The following BEST4 variants were observed in gnomAD, a reference collection of about 807,000 sequenced individuals.
BEST4 encodes the protein bestrophin-4.
Under a neutral mutation model 47.1 loss-of-function variants are expected in BEST4, and 36 were observed. The ratio of observed to expected loss-of-function variants is 0.76; its 90% confidence interval spans 0.59 to 1.01. The LOEUF (loss-of-function observed/expected upper bound fraction) is 1.01, where lower values mean the gene tolerates loss of function less well. BEST4 is among the 50% of genes least tolerant of loss of function. The pLI is 0.00. For synonymous variants in BEST4, 250 were observed against 277.8 expected, an observed-to-expected ratio of 0.90 and a Z score of 1.00; for missense variants, 550 against 648.6, an observed-to-expected ratio of 0.85 and a Z score of 1.65.
upstream of BEST4, among the ~76,000 whole-genome samples, chr1:44,789,130 C>G (rs1257916220): frequency 5.3e-5 from 8 of 150,904 alleles, no homozygotes; most frequent in African/African-American, 1.9e-4. Flanking sequence ...GTGGCACGAA[C>G]TTGTAATCCC....
At position 44,787,889 on chromosome 1, in the gene BEST4, A is replaced by G. The variant is rs1651305725; in HGVS notation, c.-184T>C. On this transcript the variant is annotated 5_prime_UTR_variant, in exon 1 of 9. Coordinates refer to ENST00000372207, the MANE Select transcript of BEST4 (RefSeq NM_153274.3). ...CCCACCCCCTGCAGAACTGAGCAGT[A>G]CATGGGCAAAGCCAGGCTAGAGTTG... Among the ~76,000 whole-genome samples, 1 of 152,236 alleles carries G rather than the reference A, an allele frequency of 6.6e-6. No homozygotes were observed. Among genetic ancestry groups the G allele is most frequent in the African/African-American group, 2.4e-5 (1 of 41,458 alleles).
intron 4 of BEST4, 44 bp from the exon 5 acceptor site, chr1:44,785,720 G>A: frequency 6.7e-7 from 1 of 1,500,366 alleles, no homozygotes; most frequent in Non-Finnish European, 9.1e-7. Flanking sequence ...GGTGAGGAAG[G>A]AACAGGGGTG....
Position 44,784,859 on chromosome 1 carries a change from G to T in BEST4, c.993+46C>A. On this transcript the variant is annotated intron_variant, in intron 7 of 8. Transcript: ENST00000372207. This position sits in a 1 kb window ranked among gnomAD's most constrained non-coding sequence, Gnocchi z 6.2. ...CCGGGCTGAGAGCTGACCGGGAGAGGGGGCCCAGGAGCTGCCCTGGACTCC... is the reference window on the plus strand; with the variant it reads ...CCGGGCTGAGAGCTGACCGGGAGAGTGGGCCCAGGAGCTGCCCTGGACTCC... 2 of 1,612,108 alleles carry T rather than the reference G, an allele frequency of 1.2e-6. No individual in the cohort carries two copies. The highest frequency in any genetic ancestry group is 1.3e-5 in the African/African-American group (1 of 75,004).
At chr1:44,791,883 T>A (rs1057355336), upstream of BEST4, among the ~76,000 whole-genome samples, 3 of 152,110 alleles carry the variant, frequency 2.0e-5, no homozygotes, top group African/African-American at 7.2e-5. Flanking sequence ...CCCAAGTCCA[T>A]GCTTCACCAT....
upstream of BEST4, among the ~76,000 whole-genome samples, chr1:44,789,260 A>G (rs60366224): frequency 4.4e-5 from 4 of 91,124 alleles, no homozygotes; most frequent in African/African-American, 6.2e-5. Flanking sequence ...AAAAAAAAAG[A>G]AAAGAAAGAA....
In BEST4 at chr1:44,785,219, A is replaced by C; in HGVS notation, c.801T>G (p.Pro267=). ...FVEPEAGAAK[P]QKLLKPGQEP... ...CCTGGCCTGGCTTCAGAAGCTTCTG[A>C]GGTTTGGCAGCCCCTGCCTCTGGCT... is the stretch of plus-strand genomic sequence containing the variant. The change falls in exon 6 of 9, where the codon CCT becomes CCG. Residue 267 remains proline (P), a synonymous_variant. Coordinates refer to ENST00000372207, the MANE Select transcript of BEST4 (RefSeq NM_153274.3). The C allele has an allele frequency of 6.2e-7, 1 of 1,613,464 alleles. No homozygotes were observed. Among genetic ancestry groups the C allele is most frequent in the Non-Finnish European group, 8.5e-7 (1 of 1,179,856 alleles).
chr1:44,790,630 C>T (rs1196394304), upstream of BEST4, among the ~76,000 whole-genome samples: 1 of 152,088 alleles, frequency 6.6e-6, no homozygotes, highest in Non-Finnish European at 1.5e-5. Context: ...CTAGGTAAAG[C>T]TAGATTACAG....
rs780783328 is a variant in BEST4 at position 44,787,700 on chromosome 1, C to G, written c.6G>C (p.Thr2=). The change falls in exon 1 of 9, where the codon ACG becomes ACC. Residue 2 remains threonine (T), a synonymous_variant. Coordinates refer to ENST00000372207, the MANE Select transcript of BEST4 (RefSeq NM_153274.3). M[T]VSYTLKVAEA... is the part of the protein sequence containing the mutation. ...CCGCCACTTTGAGAGTGTATGAAAC[C>G]GTCATGGTGCTGGGAGCCTGGGGCA... 6.2e-7 allele frequency: 1 copy of G among 1,613,998 alleles called. No individual in the cohort carries two copies. The highest frequency in any genetic ancestry group is 8.5e-7 in the Non-Finnish European group (1 of 1,180,024).
chr1:44,785,080 G>A (rs1429474001), intron 6 of BEST4, 28 bp downstream of exon 6: 15 of 1,611,220 alleles, frequency 9.3e-6, no homozygotes, highest in East Asian at 2.2e-5. Flanking sequence ...CCACAGAGCA[G>A]GCTGGCATGC....
In BEST4 at chr1:44,786,509, GGTGCTGACCGAGCGCAGCACCA is replaced by G. The variant is rs1443172626; in HGVS notation, c.413_434del (p.Leu138ProfsTer30). 1.3e-6 allele frequency: 2 copies of G among 1,546,804 alleles called. No homozygotes were observed. The highest frequency in any genetic ancestry group is 2.7e-5 in the African/African-American group (2 of 73,098). ...TGGTGGGGAAGCGCTTAAGCACGCGGGTGCTGACCGAGCGCAGCACCAGCACGGACGCCAGGTTCGCGTAGCG... is the reference window on the plus strand; with the variant it reads ...TGGTGGGGAAGCGCTTAAGCACGCGGGCACGGACGCCAGGTTCGCGTAGCG... On this transcript the variant is annotated frameshift_variant, in exon 3 of 9. Transcript: ENST00000372207. LOFTEE classifies it high-confidence loss of function. The surrounding 1 kb of genome is among the most constrained non-coding windows in gnomAD (Gnocchi z 4.9).
At position 44,787,820 on chromosome 1, in the gene BEST4, T is replaced by C; in HGVS notation, c.-115A>G. 1 of 1,296,984 alleles carries C rather than the reference T, an allele frequency of 7.7e-7. No homozygotes were observed. Among genetic ancestry groups the C allele is most frequent in the East Asian group, 2.4e-5 (1 of 41,690 alleles). 80.3% of individuals were successfully genotyped at this position (1,296,984 alleles called of 1,614,324 possible). A position where few individuals can be genotyped will look rare whatever the true frequency, so the allele number is the denominator to read the frequency against. ...CACACACCCCAGCCTTCACCCTGCG[T>C]CAGTGGACAAGGGGGTAGGAGCCTG... is the stretch of plus-strand genomic sequence containing the variant. On this transcript the variant is annotated 5_prime_UTR_variant, in exon 1 of 9. It removes the in-frame stop codon of an upstream open reading frame in the 5' UTR. Coordinates refer to ENST00000372207, the MANE Select transcript of BEST4 (RefSeq NM_153274.3).
chr1:44,787,800 AC>A lies in BEST4; in HGVS notation c.-96del. 2 of 1,458,586 alleles carry A rather than the reference AC, an allele frequency of 1.4e-6. No individual in the cohort carries two copies. The highest frequency in any genetic ancestry group is 9.4e-7 in the Non-Finnish European group (1 of 1,064,370). The allele number at this position is 1,458,586 out of a possible 1,614,324, so 90.4% of individuals were successfully genotyped here. ...CCTCCCTTCCACTCTGGTCTCACAC[AC>A]CCCAGCCTTCACCCTGCGTCAGTGG... On this transcript the variant is annotated 5_prime_UTR_variant, in exon 1 of 9. The change abolishes the stop of an existing upstream ORF in the 5' untranslated region. Transcript: ENST00000372207.
At position 44,787,376 on chromosome 1, in the gene BEST4, T is replaced by TA; in HGVS notation, c.242dup (p.Leu82IlefsTer32). ...AAAACTAGAAGGGAGCCTTACCCAA[T>TA]ACAAAGGACAAGGGAATGAGGTCTG... is the stretch of plus-strand genomic sequence containing the variant. On this transcript the variant is annotated frameshift_variant, in exon 2 of 9. Transcript: ENST00000372207. LOFTEE classifies it high-confidence loss of function. 1 of 1,613,938 alleles carries TA rather than the reference T, an allele frequency of 6.2e-7. No individual in the cohort carries two copies.
In BEST4 at chr1:44,786,093, G is replaced by A. The variant is rs1557613457; in HGVS notation, c.617C>T (p.Ala206Val). The change falls in exon 4 of 9, where the codon GCT becomes GTT. Residue 206 changes from alanine to valine, a missense_variant. Coordinates refer to ENST00000372207, the MANE Select transcript of BEST4 (RefSeq NM_153274.3). The surrounding 1 kb of genome is among the most constrained non-coding windows in gnomAD (Gnocchi z 4.9). ...ACTCACTTCCAAAAGTAGACAGAGA[G>A]CGATATCGTCACGTATTCGCCCGTC... ...RRDGRIRDDI[A>V]LCLLLEELNK... 1 of 1,610,888 alleles carries A rather than the reference G, an allele frequency of 6.2e-7. No homozygotes were observed. Among genetic ancestry groups the A allele is most frequent in the Non-Finnish European group, 8.5e-7 (1 of 1,178,888 alleles).
In BEST4 at chr1:44,787,360, A is replaced by C. The variant is rs760404755; in HGVS notation, c.247+12T>G. ...TAAGGGGGACACAGGGAAAACTAGA[A>C]GGGAGCCTTACCCAATACAAAGGAC... is the stretch of plus-strand genomic sequence containing the variant. On this transcript the variant is annotated intron_variant, in intron 2 of 8. Coordinates refer to ENST00000372207, the MANE Select transcript of BEST4 (RefSeq NM_153274.3). 18 of 1,613,684 alleles carry C rather than the reference A, an allele frequency of 1.1e-5. No homozygotes were observed. Among genetic ancestry groups the C allele is most frequent in the Admixed American group, 1.7e-5 (1 of 59,988 alleles).
rs1009387168 is a variant in BEST4 at position 44,785,768 on chromosome 1, C to G, written c.637-92G>C. The G allele has an allele frequency of 3.6e-6, 4 of 1,103,460 alleles. No homozygotes were observed. In the East Asian group the frequency reaches 7.7e-5, roughly 21 times the overall value. The allele number at this position is 1,103,460 out of a possible 1,614,324, so 68.4% of individuals were successfully genotyped here. A position where few individuals can be genotyped will look rare whatever the true frequency, so the allele number is the denominator to read the frequency against. The stretch of plus-strand genomic sequence containing the variant: ...TAGGCCTGGGCCTGGCCAGGAGGCT[C>G]TTTCTCATTCTGCCCTCAGAGGTGT... On this transcript the variant is annotated intron_variant, in intron 4 of 8. Transcript: ENST00000372207.
Position 44,787,633 on chromosome 1 carries a change from T to G in BEST4, c.73A>C (p.Arg25=). 6.2e-7 allele frequency: 1 copy of G among 1,614,124 alleles called. No individual in the cohort carries two copies. Among genetic ancestry groups the G allele is most frequent in the South Asian group, 1.1e-5 (1 of 91,086 alleles). ...TAGAGGAGCTTGTAGATGCTTCCCC[T>G]CCAGCGGAGAAGCAGGCCAGAGAAA... The part of the protein sequence containing the change: ...GGFSGLLLRW[R]GSIYKLLYKE... Residue 25 remains arginine (R), a synonymous_variant, in exon 1 of 9, where the codon AGG becomes CGG. Transcript: ENST00000372207.
At chr1:44,789,203 C>T (rs868494857), upstream of BEST4, among the ~76,000 whole-genome samples, 27 of 132,150 alleles carry the variant, frequency 2.0e-4, no homozygotes, top group African/African-American at 6.0e-4. Context: ...CAGGTTGCAA[C>T]GAGTTGAGAT....
In BEST4 at chr1:44,787,756, C is replaced by G. The variant is rs779380640; in HGVS notation, c.-51G>C. ...TCACAAGAGTTGCCCCCAGGGCTGT[C>G]GTTTAGTTCTCCAGACAACCTCCCT... On this transcript the variant is annotated 5_prime_UTR_variant, in exon 1 of 9. Coordinates refer to ENST00000372207, the MANE Select transcript of BEST4 (RefSeq NM_153274.3). 2 of 1,605,636 alleles carry G rather than the reference C, an allele frequency of 1.2e-6. No individual in the cohort carries two copies. Among genetic ancestry groups the G allele is most frequent in the African/African-American group, 1.3e-5 (1 of 74,794 alleles).
Sources: allele counts gnomAD v4.1 joint callset (sites outside exome capture counted in the v4.1 genomes callset), GRCh38; gene constraint gnomAD v4.1.1; non-coding constraint Gnocchi (gnomAD v3.1); transcripts MANE v1.5; gene names NCBI Gene and HGNC (gene_info 2026-07-23, HGNC 2026-07-21).